DNER: variants seen among roughly 807,000 people sequenced by gnomAD.
DNER encodes delta and Notch-like epidermal growth factor-related receptor.
A neutral mutation model predicts 78.2 loss-of-function variants in DNER; 33 were observed. The observed-to-expected ratio is 0.42, with a 90% CI of 0.32 to 0.56. The LOEUF (loss-of-function observed/expected upper bound fraction) is 0.56, where lower values mean the gene tolerates loss of function less well. Among genes scored for constraint, DNER ranks in the 20% least tolerant of loss-of-function variants. The pLI, the probability that DNER is intolerant of heterozygous loss-of-function variation, is 0.11. For missense variants in DNER, 918 were observed against 975.3 expected, an observed-to-expected ratio of 0.94 and a Z score of 0.78; for synonymous variants, 417 against 384.8, an observed-to-expected ratio of 1.08 and a Z score of -0.98.
At chr2:229,598,588 GGA>G (rs3085632) in intron 1 of DNER, among the ~76,000 whole-genome samples, 55,217 of 151,836 alleles carry the variant, frequency 0.36, 10,188 homozygotes, top group East Asian at 0.5. Context: ...TAATGCTGAG[GGA>G]GAGAATGGAT....
intron 1 of DNER, among the ~76,000 whole-genome samples, chr2:229,679,859 C>T (rs6745221): frequency 0.013 from 1,996 of 152,316 alleles, 56 homozygotes; most frequent in African/African-American, 0.045. Context: ...GCCAATTCCA[C>T]CACTCTTCAG....
At chr2:229,693,287 G>A (rs951911328) in intron 1 of DNER, among the ~76,000 whole-genome samples, 1 of 151,720 alleles carries the variant, frequency 6.6e-6, no homozygotes, top group African/African-American at 2.4e-5. Flanking sequence ...TAAGTTTCCT[G>A]AGCCCTCCCC....
chr2:229,482,671 A>G (rs73103753), intron 6 of DNER, among the ~76,000 whole-genome samples: 11,152 of 152,272 alleles, frequency 0.073, 1,249 homozygotes, highest in African/African-American at 0.24. Flanking sequence ...CTGCCCTACA[A>G]AGAGAAGTGG....
chr2:229,534,689 TAAAGA>T (rs1050250828), intron 5 of DNER, among the ~76,000 whole-genome samples: 3 of 152,310 alleles, frequency 2.0e-5, no homozygotes, highest in South Asian at 4.1e-4. Context: ...AAACAGACAT[TAAAGA>T]AATTTGTAAA....
rs375308811 is a variant in DNER, at chr2:229,546,959, C to T, written c.981G>A (p.Thr327=). 1.9e-5 allele frequency: 30 copies of T among 1,614,108 alleles called. No homozygotes were observed. In the African/African-American group the frequency reaches 2.8e-4, roughly 15 times the overall value. Residue 327 remains threonine, a synonymous_variant, in exon 5 of 13, where the codon ACG becomes ACA. Coordinates refer to ENST00000341772, the MANE Select transcript of DNER (RefSeq NM_139072.4). ...LECSGKGKCT[T]KPSEATFSCT... ...GGCATCCCCTTACCTCTGACGGCTT[C>T]GTGGTGCATTTTCCTTTTCCTGAAC...
chr2:229,683,826 A>C (rs1034777568), intron 1 of DNER, among the ~76,000 whole-genome samples: 1 of 151,904 alleles, frequency 6.6e-6, no homozygotes, highest in Non-Finnish European at 1.5e-5. Context: ...CAAAGTAGGG[A>C]TGGGGGCTGG....
At position 229,413,670 on chromosome 2, in the gene DNER, A is replaced by G. The variant is rs895927211; in HGVS notation, c.1609+4438T>C. On this transcript the variant is annotated intron_variant, in intron 9 of 12. Coordinates refer to ENST00000341772, the MANE Select transcript of DNER (RefSeq NM_139072.4). ...TAGCTATATATTTGGCTGACTCCCTATTGCACTCATTCTTTTTAGGAGGAT... is the reference window on the plus strand; with the variant it reads ...TAGCTATATATTTGGCTGACTCCCTGTTGCACTCATTCTTTTTAGGAGGAT... 6.6e-5 allele frequency among the ~76,000 whole-genome samples: 10 copies of G among 150,762 alleles called. No individual in the cohort carries two copies. The Middle Eastern group carries it at 0.014, about 211-fold the overall frequency.
At chr2:229,677,305 C>T (rs896959785) in intron 1 of DNER, among the ~76,000 whole-genome samples, 17 of 152,144 alleles carry the variant, frequency 1.1e-4, no homozygotes, top group African/African-American at 2.4e-5. Context: ...CTCCACCCAA[C>T]ATCAGACACT....
At chr2:229,394,823 T>C (rs948305329) in intron 10 of DNER, among the ~76,000 whole-genome samples, 3 of 152,198 alleles carry the variant, frequency 2.0e-5, no homozygotes, top group African/African-American at 7.2e-5. Context: ...AAGAGCTCTA[T>C]TGTCAAACAT....
intron 4 of DNER, among the ~76,000 whole-genome samples, chr2:229,547,702 A>G (rs1187967220): frequency 1.3e-5 from 2 of 152,222 alleles, no homozygotes; most frequent in Non-Finnish European, 2.9e-5. Context: ...CACAGTATCA[A>G]GTTAAGCCAT....
chr2:229,546,941 C>T lies in DNER; in HGVS notation c.993+6G>A, dbSNP rs1307418125. 1.9e-6 allele frequency: 3 copies of T among 1,614,072 alleles called. No individual in the cohort carries two copies. Among genetic ancestry groups the T allele is most frequent in the East Asian group, 2.2e-5 (1 of 44,876 alleles). ...TGTATTTACAAGCTACCAGGCATCC[C>T]CTTACCTCTGACGGCTTCGTGGTGC... On this transcript the variant is annotated splice_donor_region_variant and intron_variant, in intron 5 of 12. Coordinates refer to ENST00000341772, the MANE Select transcript of DNER (RefSeq NM_139072.4).
At chr2:229,662,274 G>A (rs1699021471) in intron 1 of DNER, among the ~76,000 whole-genome samples, 1 of 152,170 alleles carries the variant, frequency 6.6e-6, no homozygotes. Context: ...GCTATACTTA[G>A]TTCATTGATT....
At chr2:229,424,027 G>A (rs914973393) in intron 8 of DNER, among the ~76,000 whole-genome samples, 7 of 152,292 alleles carry the variant, frequency 4.6e-5, no homozygotes, top group Admixed American at 2.0e-4. Context: ...TATCTGTGTC[G>A]GAAAAGGCTA....
intron 1 of DNER, among the ~76,000 whole-genome samples, chr2:229,712,092 C>T (rs1016951155): frequency 3.3e-5 from 5 of 152,124 alleles, no homozygotes; most frequent in African/African-American, 1.2e-4. Context: ...ACAGTAACTT[C>T]ACCGCTCTCT....
intron 1 of DNER, among the ~76,000 whole-genome samples, chr2:229,621,852 G>A (rs1347782736): frequency 2.0e-5 from 3 of 152,158 alleles, no homozygotes; most frequent in Non-Finnish European, 2.9e-5. Context: ...TTGGGAGGCC[G>A]AGGCGGGCGG....
In DNER at chr2:229,462,282, T is replaced by C. The variant is rs188217961; in HGVS notation, c.1262-14742A>G. ...GTATTGTCAGAAAGCAATAGAGGTG[T>C]CAGAAATTTTTGCAATACTAAAGGA... On this transcript the variant is annotated intron_variant, in intron 7 of 12. Coordinates refer to ENST00000341772, the MANE Select transcript of DNER (RefSeq NM_139072.4). 5.9e-5 allele frequency among the ~76,000 whole-genome samples: 9 copies of C among 152,220 alleles called. No individual in the cohort carries two copies. In the East Asian group the frequency reaches 1.7e-3, roughly 29 times the overall value.
At chr2:229,632,697 G>T (rs1224401029) in intron 1 of DNER, among the ~76,000 whole-genome samples, 1 of 152,178 alleles carries the variant, frequency 6.6e-6, no homozygotes, top group African/African-American at 2.4e-5. Context: ...AACATAGGTA[G>T]TCCAGATCAC....
intron 1 of DNER, among the ~76,000 whole-genome samples, chr2:229,687,426 G>A (rs1699503114): frequency 1.3e-5 from 2 of 151,818 alleles, no homozygotes; most frequent in South Asian, 4.2e-4. Flanking sequence ...ACCACACCCA[G>A]CTAATTTTTG....
At chr2:229,595,625 G>C (rs1296680236) in intron 1 of DNER, among the ~76,000 whole-genome samples, 3 of 152,044 alleles carry the variant, frequency 2.0e-5, no homozygotes, top group Non-Finnish European at 4.4e-5. Flanking sequence ...TAATGTGCCT[G>C]CCCTAGTCTC....
Sources: allele counts gnomAD v4.1 joint callset (sites outside exome capture counted in the v4.1 genomes callset), GRCh38; gene constraint gnomAD v4.1.1; transcripts MANE v1.5; gene names NCBI Gene and HGNC (gene_info 2026-07-23, HGNC 2026-07-21).